Variants in CTPS1 observed in about 807,000 individuals in gnomAD.
CTPS1 encodes CTP synthetase 1.
A neutral mutation model predicts 80.5 loss-of-function variants in CTPS1; 25 were observed. The observed-to-expected ratio is 0.31, with a 90% CI of 0.23 to 0.43. CTPS1 has a LOEUF of 0.43. Among genes scored for constraint, CTPS1 ranks in the 20% least tolerant of loss-of-function variants. CTPS1 has a pLI of 1.00. For synonymous variants in CTPS1, 267 were observed against 252.5 expected, an observed-to-expected ratio of 1.06 and a Z score of -0.54; for missense variants, 442 against 725.7, an observed-to-expected ratio of 0.61 and a Z score of 4.49.
At chr1:40,986,894 C>T (rs1299698258) in intron 3 of CTPS1, among the ~76,000 whole-genome samples, 2 of 152,150 alleles carry the variant, frequency 1.3e-5, no homozygotes, top group Non-Finnish European at 1.5e-5. Flanking sequence ...CATTCTGACC[C>T]CGGGTGCTGT....
chr1:40,982,745 TTGA>T (rs1342232787), intron 1 of CTPS1, among the ~76,000 whole-genome samples: 1 of 152,256 alleles, frequency 6.6e-6, no homozygotes, highest in East Asian at 1.9e-4. Flanking sequence ...CTTTTAAATG[TTGA>T]TGTTCTTTCC....
At position 40,996,918 on chromosome 1, in the gene CTPS1, T is replaced by C. The variant is rs60666484; in HGVS notation, c.873-476T>C. Among the ~76,000 whole-genome samples, 583 of 152,174 alleles carry C rather than the reference T, an allele frequency of 3.8e-3. 3 individuals carry two copies. The highest frequency in any genetic ancestry group is 0.013 in the African/African-American group (557 of 41,536). On this transcript the variant is annotated intron_variant, in intron 8 of 18. Coordinates refer to ENST00000650070, the MANE Select transcript of CTPS1 (RefSeq NM_001905.4). ...CTTGTGAATTGTCTATGTCTGTTAT[T>C]TTTTTTGGTCTTTGGTATGAAAAAA...
At chr1:40,986,625 A>G (rs1301086028) in intron 3 of CTPS1, among the ~76,000 whole-genome samples, 2 of 152,246 alleles carry the variant, frequency 1.3e-5, no homozygotes, top group Admixed American at 1.3e-4. Flanking sequence ...CTGTAACTGG[A>G]GTAACCTGGA....
intron 8 of CTPS1, 108 bp downstream of exon 8, chr1:40,996,176 C>A: frequency 8.3e-7 from 1 of 1,209,852 alleles, no homozygotes; most frequent in Non-Finnish European, 1.2e-6. Flanking sequence ...CTTCTGCCAT[C>A]CACTCATTAG....
intron 4 of CTPS1, 34 bp from the exon 5 acceptor site, chr1:40,988,560 G>C (rs756419168): frequency 6.8e-7 from 1 of 1,468,046 alleles, no homozygotes; most frequent in South Asian, 1.1e-5. Flanking sequence ...GAAGGGTTTA[G>C]TGCCTAACCT....
In CTPS1 at chr1:41,006,904, G is replaced by A. The variant is rs113979428; in HGVS notation, c.1297-545G>A. Among the ~76,000 whole-genome samples the A allele has an allele frequency of 4.7e-4, 71 of 152,282 alleles. 1 individual carries two copies. The highest frequency in any genetic ancestry group is 1.9e-3 in the Admixed American group (29 of 15,306). On this transcript the variant is annotated intron_variant, in intron 13 of 18. Coordinates refer to ENST00000650070, the MANE Select transcript of CTPS1 (RefSeq NM_001905.4). ...AGGCCTCAGGAGTGGACCAGCAAAT[G>A]TTTTGCAGCATGGGGCTTTGGGGTC...
rs33963815 is a variant in CTPS1 at position 40,982,400 on chromosome 1, C to CT, written c.-13-869dup. Among the ~76,000 whole-genome samples the CT allele has an allele frequency of 6.5e-3, 854 of 132,166 alleles. 10 individuals are homozygous for CT. The highest frequency in any genetic ancestry group is 0.011 in the Non-Finnish European group (669 of 61,534). 86.7% of individuals were successfully genotyped at this position (132,166 alleles called of 152,430 possible). A position where few individuals can be genotyped will look rare whatever the true frequency, so the allele number is the denominator to read the frequency against. ...AAATTATAGAAGAGAACTACTTTTTCTTTTTTTTTGAGGTAGTCTTATTCT... is the reference window on the plus strand; with the variant it reads ...AAATTATAGAAGAGAACTACTTTTTCTTTTTTTTTTGAGGTAGTCTTATTCT... On this transcript the variant is annotated intron_variant, in intron 1 of 18. Transcript: ENST00000650070.
intron 7 of CTPS1, among the ~76,000 whole-genome samples, 171 bp from the exon 8 acceptor site, chr1:40,995,746 G>A (rs1642736607): frequency 2.0e-5 from 3 of 152,006 alleles, no homozygotes; most frequent in African/African-American, 7.2e-5. Context: ...TAATAGATTG[G>A]CCACTAATTT....
intron 9 of CTPS1, among the ~76,000 whole-genome samples, chr1:40,999,062 T>A (rs1642834349): frequency 6.6e-6 from 1 of 152,008 alleles, no homozygotes; most frequent in Admixed American, 6.5e-5. Flanking sequence ...GAATATTGAG[T>A]CTCTTAGGAA....
chr1:41,009,833 C>T (rs1400921876), intron 17 of CTPS1, among the ~76,000 whole-genome samples: 1 of 152,166 alleles, frequency 6.6e-6, no homozygotes, highest in Non-Finnish European at 1.5e-5. Flanking sequence ...GGCGTAGGAC[C>T]CTCTGGTCCA....
intron 9 of CTPS1, among the ~76,000 whole-genome samples, chr1:40,997,959 G>A (rs1642797948): frequency 6.6e-6 from 1 of 152,154 alleles, no homozygotes; most frequent in South Asian, 2.1e-4. Flanking sequence ...GAGCTGTGAG[G>A]TTTCTCTGGG....
At chr1:40,995,587 C>G (rs928075810) in intron 7 of CTPS1, among the ~76,000 whole-genome samples, 2 of 152,054 alleles carry the variant, frequency 1.3e-5, no homozygotes, top group African/African-American at 2.4e-5. Flanking sequence ...TTTGTAGAGA[C>G]AGTGTTTTAC....
intron 1 of CTPS1, among the ~76,000 whole-genome samples, chr1:40,981,445 A>G (rs1340561721): frequency 3.3e-5 from 5 of 152,238 alleles, no homozygotes; most frequent in African/African-American, 4.8e-5. Flanking sequence ...TCGGTGGCAG[A>G]GGAATTTCTA....
chr1:40,986,279 C>T (rs924826462), intron 3 of CTPS1, among the ~76,000 whole-genome samples: 9 of 152,222 alleles, frequency 5.9e-5, no homozygotes, highest in African/African-American at 1.9e-4. Context: ...AGAGGCCAGT[C>T]ACAGCGAGAG....
intron 7 of CTPS1, among the ~76,000 whole-genome samples, chr1:40,994,083 T>C (rs1642688907): frequency 6.6e-6 from 1 of 152,142 alleles, no homozygotes; most frequent in Non-Finnish European, 1.5e-5. Context: ...CTGGCCTTCA[T>C]TTTCTTAATA....
At chr1:40,988,416 C>G in intron 4 of CTPS1, 178 bp from the exon 5 acceptor site, 1 of 573,536 alleles carries the variant, frequency 1.7e-6, no homozygotes, top group East Asian at 2.8e-5. Context: ...AAAGAATAAC[C>G]TTTTAGTACA....
intron 11 of CTPS1, 118 bp from the exon 12 acceptor site, chr1:41,002,995 TG>T: frequency 1.1e-6 from 1 of 928,496 alleles, no homozygotes; most frequent in Non-Finnish European, 1.7e-6. Flanking sequence ...CAGGAAGTTA[TG>T]AGTTTGCAAT....
In CTPS1 at chr1:41,002,338, G is replaced by T; in HGVS notation, c.1189+84G>T. ...CACGTGGGAGCCTATGAACAAAGTG[G>T]GGGGATTACTGAAACATGCTGTCTT... On this transcript the variant is annotated intron_variant, in intron 11 of 18. Coordinates refer to ENST00000650070, the MANE Select transcript of CTPS1 (RefSeq NM_001905.4). The T allele has an allele frequency of 3.7e-6, 4 of 1,073,484 alleles. No homozygotes were observed. In the Admixed American group the frequency reaches 5.3e-5, roughly 14 times the overall value. The allele number at this position is 1,073,484 out of a possible 1,614,324, so 66.5% of individuals were successfully genotyped here.
intron 1 of CTPS1, chr1:40,980,057 C>G (rs548191694): frequency 2.6e-5 from 4 of 151,138 alleles, no homozygotes; most frequent in Non-Finnish European, 5.9e-5. Context: ...GGCCTCGTGG[C>G]CGGGCGGCGC....
Sources: allele counts gnomAD v4.1 joint callset (sites outside exome capture counted in the v4.1 genomes callset), GRCh38; gene constraint gnomAD v4.1.1; transcripts MANE v1.5; gene names NCBI Gene and HGNC (gene_info 2026-07-23, HGNC 2026-07-21).